The following MYO1E variants were observed in gnomAD, a reference collection of about 807,000 sequenced individuals.
The protein encoded by MYO1E is unconventional myosin-Ie.
A neutral mutation model predicts 151.1 loss-of-function variants in MYO1E; 68 were observed. That is an observed-to-expected ratio of 0.45 (90% CI 0.37 to 0.55). The LOEUF (loss-of-function observed/expected upper bound fraction) is 0.55, where lower values mean the gene tolerates loss of function less well. MYO1E is among the 20% of genes least tolerant of loss of function. The probability of loss-of-function intolerance (pLI) is 0.00; values close to 1 mark genes in which losing one functional copy is unlikely to be tolerated. For synonymous variants in MYO1E, 601 were observed against 501.7 expected (o/e 1.20, Z -2.64); for missense variants, 1,363 against 1,389.3 (o/e 0.98, Z 0.30).
chr15:59,223,537 G>C (rs554709392), intron 8 of MYO1E, among the ~76,000 whole-genome samples: 4 of 152,300 alleles, frequency 2.6e-5, no homozygotes, highest in Non-Finnish European at 5.9e-5. Flanking sequence ...ACTCGGAAGA[G>C]TGGTAGTTGT....
At chr15:59,186,387 T>C (rs2140324462) in intron 18 of MYO1E, among the ~76,000 whole-genome samples, 1 of 145,604 alleles carries the variant, frequency 6.9e-6, no homozygotes, top group Non-Finnish European at 1.5e-5. Context: ...CTTCTTCAGT[T>C]ATATACAATC....
At chr15:59,229,611 G>A (rs1335765712) in intron 6 of MYO1E, among the ~76,000 whole-genome samples, 1 of 152,218 alleles carries the variant, frequency 6.6e-6, no homozygotes, top group Admixed American at 6.5e-5. Flanking sequence ...CCTAAGCTGG[G>A]TGCCAGATAC....
rs7171092 is a variant in MYO1E, at chr15:59,317,522, A to C, written c.4-45073T>G. Among the ~76,000 whole-genome samples, 828 of 145,276 alleles carry C rather than the reference A, an allele frequency of 5.7e-3. 5 individuals carry two copies. The highest frequency in any genetic ancestry group is 0.021 in the African/African-American group (769 of 36,068). The stretch of plus-strand genomic sequence containing the variant: ...CCATAAAGAAGGCTCTTGTGGTAGC[A>C]TATGCAAGATGACCACTCAGGCCAA... On this transcript the variant is annotated intron_variant, in intron 1 of 27. Coordinates refer to ENST00000288235, the MANE Select transcript of MYO1E (RefSeq NM_004998.4).
chr15:59,188,250 C>T lies in MYO1E; in HGVS notation c.1806-34G>A, dbSNP rs372478425. On this transcript the variant is annotated intron_variant, in intron 17 of 27. Coordinates refer to ENST00000288235, the MANE Select transcript of MYO1E (RefSeq NM_004998.4). Reference sequence around the variant, plus strand: ...AGGAGAAAATGGGGCCTGGACATTACTGGATAATCCTTTCACTCGTGTTCT... The same window carrying T: ...AGGAGAAAATGGGGCCTGGACATTATTGGATAATCCTTTCACTCGTGTTCT... 534 of 1,535,028 alleles carry T rather than the reference C, an allele frequency of 3.5e-4. 6 individuals carry two copies. The South Asian group carries it at 4.8e-3, about 14-fold the overall frequency.
At chr15:59,251,961 T>C (rs1319166867) in intron 4 of MYO1E, among the ~76,000 whole-genome samples, 1 of 152,234 alleles carries the variant, frequency 6.6e-6, no homozygotes, top group African/African-American at 2.4e-5. Flanking sequence ...CTAATAATAT[T>C]GGTATTGTTA....
At chr15:59,270,883 T>A (rs2080285289) in intron 2 of MYO1E, 1 of 152,136 alleles carries the variant, frequency 6.6e-6, no homozygotes, top group South Asian at 2.1e-4. Flanking sequence ...CTCAAACTCC[T>A]GACCTCAAGT....
chr15:59,218,375 C>G, intron 9 of MYO1E: 3 of 544,448 alleles, frequency 5.5e-6, no homozygotes, highest in South Asian at 4.9e-5. Flanking sequence ...AAACCTATCC[C>G]TCCTACTGAG....
chr15:59,243,356 G>A (rs2080111370), intron 4 of MYO1E, among the ~76,000 whole-genome samples: 1 of 152,096 alleles, frequency 6.6e-6, no homozygotes, highest in Admixed American at 6.5e-5. Context: ...GGTACGATGT[G>A]TTCATTGTGT....
At chr15:59,160,336 C>CATGT (rs2079530523) in intron 24 of MYO1E, among the ~76,000 whole-genome samples, 1 of 120,084 alleles carries the variant, frequency 8.3e-6, no homozygotes, top group Non-Finnish European at 1.8e-5. Context: ...TGAGGTAGTG[C>CATGT]GTGTGTGTGT....
intron 1 of MYO1E, among the ~76,000 whole-genome samples, chr15:59,286,325 TG>T (rs1567003139): frequency 6.6e-6 from 1 of 152,262 alleles, no homozygotes; most frequent in African/African-American, 2.4e-5. Context: ...TCACATGTTA[TG>T]GTTTTCTCAG....
chr15:59,245,636 C>A (rs1011466805), intron 4 of MYO1E, among the ~76,000 whole-genome samples: 1 of 152,184 alleles, frequency 6.6e-6, no homozygotes, highest in East Asian at 1.9e-4. Context: ...AAAGTAGAAA[C>A]AGCACCAAAT....
Position 59,159,359 on chromosome 15 carries a change from A to C in MYO1E, c.2786-980T>G, listed in dbSNP as rs142418302. On this transcript the variant is annotated intron_variant, in intron 24 of 27. Coordinates refer to ENST00000288235, the MANE Select transcript of MYO1E (RefSeq NM_004998.4). This position sits in a 1 kb window ranked among gnomAD's most constrained non-coding sequence, Gnocchi z 4.4. ...CAAACATAGCCTGCTGGTTATTTGC[A>C]GCCTTTCTTTGCCCGGCTCTGTGCC... 6.6e-6 allele frequency among the ~76,000 whole-genome samples: 1 copy of C among 152,358 alleles called. No homozygotes were observed. Among genetic ancestry groups the C allele is most frequent in the Non-Finnish European group, 1.5e-5 (1 of 68,038 alleles).
chr15:59,302,067 G>A (rs552296157), intron 1 of MYO1E, among the ~76,000 whole-genome samples: 30 of 152,164 alleles, frequency 2.0e-4, no homozygotes, highest in Admixed American at 3.9e-4. Flanking sequence ...GCCTCTGTTG[G>A]AGGTAATAAG....
chr15:59,240,843 T>C (rs755221776), intron 4 of MYO1E, among the ~76,000 whole-genome samples: 2 of 152,328 alleles, frequency 1.3e-5, no homozygotes, highest in Middle Eastern at 6.8e-3. Flanking sequence ...GATGTCTACT[T>C]TTGTTCATGC....
Position 59,224,718 on chromosome 15 carries a change from C to T in MYO1E, c.748G>A (p.Asp250Asn), listed in dbSNP as rs772263070. 6.2e-7 allele frequency: 1 copy of T among 1,614,098 alleles called. No individual in the cohort carries two copies. Among genetic ancestry groups the T allele is most frequent in the African/African-American group, 1.3e-5 (1 of 74,930 alleles). Residue 250 changes from aspartate to asparagine, a missense_variant, in exon 8 of 28, where the codon GAC (aspartate) becomes AAC (asparagine). Transcript: ENST00000288235. Reference protein sequence around the residue: ...LSGSYKVDDIDDRREFQETLH... With the variant: ...LSGSYKVDDINDRREFQETLH... ...GTTTCCTGAAACTCCCGCCTGTCGT[C>T]AATGTCATCAACCTTGTATGAGCCC...
chr15:59,218,196 G>T, intron 9 of MYO1E, 109 bp from the exon 10 acceptor site: 1 of 1,322,332 alleles, frequency 7.6e-7, no homozygotes, highest in Non-Finnish European at 1.1e-6. Context: ...TGTGTGCATA[G>T]AAGGCACAAT....
chr15:59,210,503 T>C lies in MYO1E; in HGVS notation c.1362+11A>G, dbSNP rs2079872390. The C allele has an allele frequency of 6.5e-7, 1 of 1,537,232 alleles. No homozygotes were observed. The highest frequency in any genetic ancestry group is 9.0e-7 in the Non-Finnish European group (1 of 1,110,112). On this transcript the variant is annotated intron_variant, in intron 13 of 27. Coordinates refer to ENST00000288235, the MANE Select transcript of MYO1E (RefSeq NM_004998.4). ...GTGAGCAGTGAAAAGACATACTAAA[T>C]GAACACTTACCACTTTGTTCTCTAT...
intron 15 of MYO1E, among the ~76,000 whole-genome samples, chr15:59,203,209 G>T (rs527771721): frequency 6.6e-6 from 1 of 152,122 alleles, no homozygotes. Context: ...CGAGGAGGGC[G>T]CCTCTTCTAC....
chr15:59,282,842 A>T, intron 1 of MYO1E, among the ~76,000 whole-genome samples: 1 of 111,156 alleles, frequency 9.0e-6, no homozygotes. Context: ...AGCAAGACAA[A>T]GAAAGAGAAG....
Sources: allele counts gnomAD v4.1 joint callset (sites outside exome capture counted in the v4.1 genomes callset), GRCh38; gene constraint gnomAD v4.1.1; non-coding constraint Gnocchi (gnomAD v3.1); transcripts MANE v1.5; gene names NCBI Gene and HGNC (gene_info 2026-07-23, HGNC 2026-07-21).